CFAP92: variants seen among roughly 807,000 people sequenced by gnomAD.
CFAP92 encodes the protein cilia and flagella associated protein 92 (putative).
Under a neutral mutation model 106.3 loss-of-function variants are expected in CFAP92, and 86 were observed. The ratio of observed to expected loss-of-function variants is 0.81; its 90% CI spans 0.68 to 0.97. CFAP92 has a LOEUF of 0.97. Among genes scored for constraint, CFAP92 ranks in the 50% least tolerant of loss-of-function variants. The pLI, the probability that CFAP92 is intolerant of heterozygous loss-of-function variation, is 0.00. For missense variants in CFAP92, 1,204 were observed against 1,283.8 expected (o/e 0.94, Z 0.95); for synonymous variants, 477 against 506.4 (o/e 0.94, Z 0.78).
chr3:128,970,531 C>T (rs1942712896), intron 8 of CFAP92: 1 of 152,150 alleles, frequency 6.6e-6, no homozygotes, highest in African/African-American at 2.4e-5. Flanking sequence ...GGGGGGAGTT[C>T]ACCCCATATT....
At chr3:128,958,924 G>A (rs1403244581) in intron 9 of CFAP92, among the ~76,000 whole-genome samples, 1 of 151,496 alleles carries the variant, frequency 6.6e-6, no homozygotes, top group Non-Finnish European at 1.5e-5. Flanking sequence ...TAAAAAAGGA[G>A]ACAAGGTTGG....
At chr3:128,979,957 T>TATAA (rs1943419580) in intron 4 of CFAP92, among the ~76,000 whole-genome samples, 1 of 138,938 alleles carries the variant, frequency 7.2e-6, no homozygotes, top group Non-Finnish European at 1.6e-5. Flanking sequence ...AATATATATA[T>TATAA]ATATATATAT....
At chr3:128,958,212 A>G (rs1393076046) in intron 9 of CFAP92, among the ~76,000 whole-genome samples, 4 of 152,256 alleles carry the variant, frequency 2.6e-5, no homozygotes, top group Admixed American at 6.5e-5. Context: ...TTGGAGGAAC[A>G]CAATTCAATC....
intron 9 of CFAP92, among the ~76,000 whole-genome samples, chr3:128,962,102 A>G (rs926125292): frequency 1.3e-5 from 2 of 151,856 alleles, no homozygotes; most frequent in African/African-American, 2.4e-5. Flanking sequence ...CCTGGCAGCC[A>G]CTCCCAGAGC....
At chr3:129,022,576 G>C in the CFAP92 span, among the ~76,000 whole-genome samples, 1 of 152,320 alleles carries the variant, frequency 6.6e-6, no homozygotes, top group South Asian at 2.1e-4. Context: ...GGCTCACCCG[G>C]CCTCCGGATG....
chr3:128,916,201 GA>G lies in CFAP92; in HGVS notation c.2821del (p.Ser941GlnfsTer16). ...GTAGACGGCCTTGTTGGCAGGGGCT[GA>G]AATTTTAATCACCTTCGCCACGGAC... ...PKSVAKVIKI[S>X]APANKAVYNY... On this transcript the variant is annotated frameshift_variant, in exon 13 of 16. Coordinates refer to ENST00000645291, the MANE Select transcript of CFAP92 (RefSeq NM_001394090.1). LOFTEE classifies it high-confidence loss of function. The G allele has an allele frequency of 8.1e-7, 1 of 1,232,116 alleles. No homozygotes were observed. Among genetic ancestry groups the G allele is most frequent in the Non-Finnish European group, 1.0e-6 (1 of 987,970 alleles). The allele number at this position is 1,232,116 out of a possible 1,614,324, so 76.3% of individuals were successfully genotyped here.
chr3:128,965,710 C>G lies in CFAP92; in HGVS notation c.1169-15G>C. 2.5e-6 allele frequency: 1 copy of G among 398,650 alleles called. No homozygotes were observed. The highest frequency in any genetic ancestry group is 4.4e-6 in the Non-Finnish European group (1 of 226,016). 24.7% of individuals were successfully genotyped at this position (398,650 alleles called of 1,614,324 possible). ...AGTTTGCCATCCTGGGGGAAATACA[C>G]CCAGCATTAGACCTTTCCTCCCGAC... On this transcript the variant is annotated splice_polypyrimidine_tract_variant and intron_variant, in intron 8 of 15. Transcript: ENST00000645291.
rs1480555485 is a variant in CFAP92 at position 128,993,044 on chromosome 3, C to T, written c.261G>A (p.Met87Ile). 6.2e-7 allele frequency: 1 copy of T among 1,614,050 alleles called. No homozygotes were observed. ...FTISLAFPVN[M>I]GQKGKYASLI... ...TTAAACTTCTGCTCTAGCACCTACCCATATTCACAGGGAAGGCCAGTGAGA... is the reference window on the plus strand; with the variant it reads ...TTAAACTTCTGCTCTAGCACCTACCTATATTCACAGGGAAGGCCAGTGAGA... Residue 87 changes from methionine to isoleucine, a missense_variant and splice_region_variant, in exon 2 of 16, where the codon ATG becomes ATA. Transcript: ENST00000645291.
chr3:128,915,288 A>G lies in CFAP92; in HGVS notation c.3124-13T>C. 2 of 1,535,964 alleles carry G rather than the reference A, an allele frequency of 1.3e-6. No homozygotes were observed. The highest frequency in any genetic ancestry group is 1.7e-6 in the Non-Finnish European group (2 of 1,146,808). ...TTTCCTTCCACTCCTAAATTGGGGG[A>G]GTAAGTAAATCAGGAGGAGAAAGGT... On this transcript the variant is annotated splice_polypyrimidine_tract_variant and intron_variant, in intron 14 of 15. Transcript: ENST00000645291.
In CFAP92 at chr3:128,993,139, C is replaced by T; in HGVS notation, c.166G>A (p.Glu56Lys). 2.5e-6 allele frequency: 4 copies of T among 1,614,086 alleles called. No individual in the cohort carries two copies. Among genetic ancestry groups the T allele is most frequent in the South Asian group, 2.2e-5 (2 of 91,090 alleles). ...SDSDRPCSSI[E>K]SSSEPASTFS... ...GTGCTGGCAGGCTCAGATGAGGACT[C>T]GATGCTGCTGCACGGGCGGTCAGAG... is the stretch of plus-strand genomic sequence containing the variant. The change falls in exon 2 of 16, where the codon GAG (glutamate) becomes AAG (lysine). Residue 56 changes from glutamate to lysine, a missense_variant. Physicochemically the swap from Glu to Lys is moderately conservative, Grantham distance 56. Transcript: ENST00000645291.
intron 1 of CFAP92, 40 bp from the exon 2 acceptor site, chr3:128,993,376 C>G: frequency 6.5e-7 from 1 of 1,535,542 alleles, no homozygotes; most frequent in Non-Finnish European, 8.8e-7. Flanking sequence ...GCCTGTATTC[C>G]AGGGCTGCTC....
intron 2 of CFAP92, among the ~76,000 whole-genome samples, chr3:128,992,469 C>A (rs951642548): frequency 6.6e-6 from 1 of 151,886 alleles, no homozygotes; most frequent in African/African-American, 2.4e-5. Flanking sequence ...GGCTGAGGCA[C>A]GAGAATTGCT....
At chr3:128,973,059 C>T (rs1030491043) in intron 7 of CFAP92, among the ~76,000 whole-genome samples, 1 of 151,924 alleles carries the variant, frequency 6.6e-6, no homozygotes, top group African/African-American at 2.4e-5. Context: ...AATTGGTGTA[C>T]AAAACAAGAT....
intron 12 of CFAP92, among the ~76,000 whole-genome samples, chr3:128,922,341 T>G (rs1252067297): frequency 2.8e-5 from 4 of 144,220 alleles, no homozygotes; most frequent in Admixed American, 6.9e-5. Context: ...AGGCTCCATC[T>G]CAAAAAAAAA....
At chr3:128,921,154 C>CA (rs1937247831) in intron 12 of CFAP92, among the ~76,000 whole-genome samples, 1 of 152,198 alleles carries the variant, frequency 6.6e-6, no homozygotes, top group African/African-American at 2.4e-5. Flanking sequence ...TGCCGGACTT[C>CA]ATAGTCCCCA....
rs1944118718 is a variant in CFAP92 at position 128,990,073 on chromosome 3, A to T, written c.263-1155T>A. 2.0e-5 allele frequency among the ~76,000 whole-genome samples: 3 copies of T among 152,292 alleles called. 1 individual carries two copies. Among genetic ancestry groups the T allele is most frequent in the Admixed American group, 2.0e-4 (3 of 15,292 alleles). ...ACAAAAATGGACGTAAAGAATGTCTATCGCAGAATTGCAACAGAAAAACAT... is the reference window on the plus strand; with the variant it reads ...ACAAAAATGGACGTAAAGAATGTCTTTCGCAGAATTGCAACAGAAAAACAT... On this transcript the variant is annotated intron_variant, in intron 2 of 15. Transcript: ENST00000645291.
At chr3:128,967,765 A>C (rs955441755) in intron 8 of CFAP92, 1 of 152,198 alleles carries the variant, frequency 6.6e-6, no homozygotes, top group Non-Finnish European at 1.5e-5. Flanking sequence ...AAAATAAAAA[A>C]AAAGTGCTCA....
chr3:128,930,497 G>C (rs1938239041), intron 12 of CFAP92, among the ~76,000 whole-genome samples: 1 of 141,362 alleles, frequency 7.1e-6, no homozygotes, highest in African/African-American at 2.9e-5. Flanking sequence ...GTGGTCACCT[G>C]TAATCCTAGC....
chr3:128,919,546 A>ATAGACATCTATCTAACAT (rs1937097000), intron 12 of CFAP92, among the ~76,000 whole-genome samples: 1 of 152,200 alleles, frequency 6.6e-6, no homozygotes, highest in Admixed American at 6.5e-5. Context: ...ACAAGAAGAA[A>ATAGACATCTATCTAACAT]TAGACATCTA....
Sources: gnomAD v4.1 joint callset for allele counts (sites outside exome capture counted in the v4.1 genomes callset) on GRCh38, gnomAD v4.1.1 for gene constraint, MANE v1.5 for transcripts, NCBI Gene and HGNC (gene_info 2026-07-23, HGNC 2026-07-21) for gene names.